TTC7B: variants seen among roughly 807,000 people sequenced by gnomAD.
TTC7B encodes the protein tetratricopeptide repeat domain 7B, also known as tetratricopeptide repeat protein 7B.
A neutral mutation model predicts 106.8 loss-of-function variants in TTC7B; 28 were observed. That is an observed-to-expected ratio of 0.26 (90% CI 0.19 to 0.36). The LOEUF is 0.36. Among genes scored for constraint, TTC7B ranks in the 10% least tolerant of loss-of-function variants. The probability of loss-of-function intolerance (pLI) is 1.00; values close to 1 mark genes in which losing one functional copy is unlikely to be tolerated. For synonymous variants in TTC7B, 405 were observed against 430.6 expected (o/e 0.94, Z 0.74); for missense variants, 862 against 1,076.4 (o/e 0.80, Z 2.79).
intron 15 of TTC7B, among the ~76,000 whole-genome samples, chr14:90,639,163 G>C (rs1044798972): frequency 6.6e-6 from 1 of 152,240 alleles, no homozygotes; most frequent in East Asian, 1.9e-4. Flanking sequence ...TCTTCAACTA[G>C]ACATAGAAAG....
intron 8 of TTC7B, among the ~76,000 whole-genome samples, chr14:90,679,971 G>C (rs1886987103): frequency 1.3e-5 from 2 of 152,256 alleles, no homozygotes; most frequent in East Asian, 1.9e-4. Flanking sequence ...GGAGCTGGAA[G>C]AGACAACAAG....
chr14:90,737,415 A>G (rs1355284010), intron 4 of TTC7B, among the ~76,000 whole-genome samples: 1 of 152,326 alleles, frequency 6.6e-6, no homozygotes, highest in African/African-American at 2.4e-5. Context: ...GCACATATCC[A>G]CACAATGGCA....
intron 3 of TTC7B, among the ~76,000 whole-genome samples, chr14:90,747,703 T>A (rs1397121589): frequency 1.3e-5 from 2 of 152,242 alleles, no homozygotes; most frequent in Admixed American, 6.5e-5. Flanking sequence ...ACTTGTTTTA[T>A]CATTTATTGA....
intron 5 of TTC7B, among the ~76,000 whole-genome samples, chr14:90,708,802 G>C (rs1259255663): frequency 6.6e-6 from 1 of 152,046 alleles, no homozygotes; most frequent in African/African-American, 2.4e-5. Context: ...GAAAACCTCT[G>C]GAAAGGAATC....
intron 9 of TTC7B, among the ~76,000 whole-genome samples, chr14:90,671,874 A>AT (rs1566829167): frequency 6.6e-6 from 1 of 152,188 alleles, no homozygotes; most frequent in Non-Finnish European, 1.5e-5. Flanking sequence ...GCAGCCTTCC[A>AT]TCTTGAATAA....
intron 3 of TTC7B, among the ~76,000 whole-genome samples, chr14:90,774,129 G>A (rs1176525571): frequency 1.3e-5 from 2 of 152,196 alleles, no homozygotes; most frequent in South Asian, 2.1e-4. Flanking sequence ...TCAAGGATGA[G>A]AATGTGATCC....
chr14:90,766,584 C>T, intron 3 of TTC7B: 1 of 825,846 alleles, frequency 1.2e-6, no homozygotes, highest in Admixed American at 1.7e-5. Context: ...TACTCAACAC[C>T]ATCATCGATG....
Position 90,757,185 on chromosome 14 carries a change from C to G in TTC7B, c.446-12263G>C, listed in dbSNP as rs1890331046. Among the ~76,000 whole-genome samples the G allele has an allele frequency of 6.6e-6, 1 of 152,144 alleles. No homozygotes were observed. The highest frequency in any genetic ancestry group is 2.4e-5 in the African/African-American group (1 of 41,428). ...TTTCCTACATAGGCAAAAGAAAGCA[C>G]CCCGGAAAGCTCCCCTGAACCACCC... On this transcript the variant is annotated intron_variant, in intron 3 of 19. Transcript: ENST00000328459. This position sits in a 1 kb window ranked among gnomAD's most constrained non-coding sequence, Gnocchi z 4.1.
intron 19 of TTC7B, among the ~76,000 whole-genome samples, chr14:90,547,980 C>A (rs1002645826): frequency 2.6e-5 from 4 of 152,178 alleles, no homozygotes; most frequent in Non-Finnish European, 4.4e-5. Context: ...AGTCCTGTGG[C>A]CCAGCTCTGG....
chr14:90,688,744 G>T (rs1420853699), intron 7 of TTC7B, among the ~76,000 whole-genome samples: 1 of 151,534 alleles, frequency 6.6e-6, no homozygotes, highest in Non-Finnish European at 1.5e-5. Flanking sequence ...GAAGGCAGAG[G>T]TTGCAGATTG....
rs1447241915 is a variant in TTC7B, at chr14:90,757,640, G to A, written c.446-12718C>T. ...AGCAGTTGCCACACAGCTCCCAACA[G>A]ACTGGAGACTTTTTCTGCCGGGGAA... On this transcript the variant is annotated intron_variant, in intron 3 of 19. Coordinates refer to ENST00000328459, the MANE Select transcript of TTC7B (RefSeq NM_001010854.2). This position sits in a 1 kb window ranked among gnomAD's most constrained non-coding sequence, Gnocchi z 4.1. Among the ~76,000 whole-genome samples the A allele has an allele frequency of 1.3e-5, 2 of 152,150 alleles. No individual in the cohort carries two copies. Among genetic ancestry groups the A allele is most frequent in the Non-Finnish European group, 2.9e-5 (2 of 68,030 alleles).
intron 12 of TTC7B, among the ~76,000 whole-genome samples, chr14:90,654,649 C>T (rs1161030994): frequency 6.6e-6 from 1 of 152,202 alleles, no homozygotes; most frequent in African/African-American, 2.4e-5. Context: ...AGCATCCCTT[C>T]ACACAGGACA....
intron 1 of TTC7B, among the ~76,000 whole-genome samples, chr14:90,787,039 G>C (rs1203732154): frequency 1.3e-5 from 2 of 152,172 alleles, no homozygotes; most frequent in East Asian, 3.8e-4. Context: ...CTCTGGTGCT[G>C]TATTCTATGC....
chr14:90,758,700 A>G (rs1346618907), intron 3 of TTC7B, among the ~76,000 whole-genome samples: 3 of 152,178 alleles, frequency 2.0e-5, no homozygotes, highest in African/African-American at 7.2e-5. Context: ...CAGGCCGCTA[A>G]ACGCAAACTA....
chr14:90,651,207 C>T (rs1317514227), intron 13 of TTC7B, among the ~76,000 whole-genome samples: 1 of 152,132 alleles, frequency 6.6e-6, no homozygotes, highest in Non-Finnish European at 1.5e-5. Flanking sequence ...GTTAGGACTG[C>T]AATTCACTAG....
At chr14:90,658,441 C>T (rs963137857) in intron 9 of TTC7B, 54 bp from the exon 10 acceptor site, 4 of 1,502,856 alleles carry the variant, frequency 2.7e-6, no homozygotes, top group Non-Finnish European at 2.8e-6. Context: ...GGTGCCACAA[C>T]TGCACAAGTG....
intron 16 of TTC7B, among the ~76,000 whole-genome samples, chr14:90,615,178 A>AT (rs1255518917): frequency 1.3e-5 from 2 of 152,108 alleles, no homozygotes; most frequent in Non-Finnish European, 1.5e-5. Context: ...GCTCAGTGTA[A>AT]TTTTTTTCCC....
chr14:90,761,117 G>A (rs1019059231), intron 3 of TTC7B, among the ~76,000 whole-genome samples: 1 of 152,120 alleles, frequency 6.6e-6, no homozygotes, highest in African/African-American at 2.4e-5. Context: ...CTAACTTTAG[G>A]AGATATTTAG....
chr14:90,684,042 C>A (rs2139932676), intron 7 of TTC7B, among the ~76,000 whole-genome samples: 1 of 152,282 alleles, frequency 6.6e-6, no homozygotes, highest in South Asian at 2.1e-4. Context: ...TTTTAAACAG[C>A]ATTCCCATCC....
Sources: gnomAD v4.1 joint callset for allele counts (sites outside exome capture counted in the v4.1 genomes callset) on GRCh38, gnomAD v4.1.1 for gene constraint, Gnocchi (gnomAD v3.1) non-coding constraint, MANE v1.5 for transcripts, NCBI Gene and HGNC (gene_info 2026-07-23, HGNC 2026-07-21) for gene names.